Variants in SLAMF9 observed in about 807,000 individuals in gnomAD.
SLAMF9 encodes the protein SLAM family member 9.
Under a neutral mutation model 30.4 loss-of-function variants are expected in SLAMF9, and 25 were observed. The ratio of observed to expected loss-of-function variants is 0.82; its 90% CI spans 0.60 to 1.15. SLAMF9 has a LOEUF of 1.15. Ranked by LOEUF, SLAMF9 falls within the 50% of genes most tolerant of loss-of-function variation. The pLI, the probability that SLAMF9 is intolerant of heterozygous loss-of-function variation, is 0.00. For synonymous variants in SLAMF9, 129 were observed against 127.2 expected (o/e 1.01, Z -0.09); for missense variants, 344 against 346.1 (o/e 0.99, Z 0.05).
At chr1:159,953,209 C>T in intron 2 of SLAMF9, 100 bp downstream of exon 2, 1 of 978,882 alleles carries the variant, frequency 1.0e-6, no homozygotes. Context: ...AGTTCTAGCC[C>T]CTCAAACCAT....
chr1:159,965,471 G>A, the SLAMF9 span: 2 of 152,180 alleles, frequency 1.3e-5, no homozygotes, highest in Non-Finnish European at 2.9e-5. Context: ...TCAACACTCT[G>A]ATGACAATCT....
the SLAMF9 span, among the ~76,000 whole-genome samples, chr1:159,961,979 A>T: frequency 1.3e-5 from 2 of 151,828 alleles, no homozygotes; most frequent in Non-Finnish European, 2.9e-5. Context: ...CAACATGGTG[A>T]AACCCCCGTC....
Position 159,951,677 on chromosome 1 carries a change from C to A in SLAMF9, c.854G>T (p.Gly285Val), listed in dbSNP as rs142608001. The change falls in exon 4 of 4, where the codon GGC becomes GTC. Residue 285 changes from glycine to valine, a missense_variant. Physicochemically the swap from Gly to Val is moderately radical, Grantham distance 109. Coordinates refer to ENST00000368093, the MANE Select transcript of SLAMF9 (RefSeq NM_033438.4). ...AAGGAGCAGTCAGGCAGGGCTGGAGCCAGGCTTTGCCTCCTTCCTCAATTT... is the reference window on the plus strand; with the variant it reads ...AAGGAGCAGTCAGGCAGGGCTGGAGACAGGCTTTGCCTCCTTCCTCAATTT... ...RMKLRKEAKP[G>V]SSPA 5.0e-6 allele frequency: 8 copies of A among 1,614,012 alleles called. No individual in the cohort carries two copies. Among genetic ancestry groups the A allele is most frequent in the African/African-American group, 2.7e-5 (2 of 75,018 alleles).
At chr1:159,955,481 A>G (rs1651903971), upstream of SLAMF9, among the ~76,000 whole-genome samples, 3 of 152,230 alleles carry the variant, frequency 2.0e-5, no homozygotes, top group Non-Finnish European at 4.4e-5. Flanking sequence ...ATAGAGGAAG[A>G]CGTATTCAGC....
the SLAMF9 span, among the ~76,000 whole-genome samples, chr1:159,960,292 T>C: frequency 3.3e-5 from 5 of 151,322 alleles, no homozygotes; most frequent in Non-Finnish European, 5.9e-5. Flanking sequence ...TGCGATAGTT[T>C]GCTGAGAATG....
chr1:159,952,497 C>T lies in SLAMF9; in HGVS notation c.429G>A (p.Glu143=), dbSNP rs1651790493. The T allele has an allele frequency of 6.2e-7, 1 of 1,614,090 alleles. No homozygotes were observed. Among genetic ancestry groups the T allele is most frequent in the East Asian group, 2.2e-5 (1 of 44,866 alleles). ...TACTGCAGGCACCTTCCCCAGAACTCTCAAAGTTCACAGTGATCTGGGGCT... is the reference window on the plus strand; with the variant it reads ...TACTGCAGGCACCTTCCCCAGAACTTTCAAAGTTCACAGTGATCTGGGGCT... ...LSEPQITVNF[E]SSGEGACSMS... is the part of the protein sequence containing the mutation. The change falls in exon 3 of 4, where the codon GAG becomes GAA. Residue 143 remains glutamate, a synonymous_variant. Coordinates refer to ENST00000368093, the MANE Select transcript of SLAMF9 (RefSeq NM_033438.4).
chr1:159,982,414 G>A, the SLAMF9 span, among the ~76,000 whole-genome samples: 1,685 of 152,010 alleles, frequency 0.011, 13 homozygotes, highest in South Asian at 0.03. Context: ...CCTTCCTGCC[G>A]CACACTCACT....
chr1:159,959,727 C>T, the SLAMF9 span, among the ~76,000 whole-genome samples: 1 of 152,110 alleles, frequency 6.6e-6, no homozygotes, highest in Non-Finnish European at 1.5e-5. Context: ...TGTGGACTCA[C>T]AGTAAAGTTC....
chr1:159,970,897 T>TA, the SLAMF9 span, among the ~76,000 whole-genome samples: 1 of 152,184 alleles, frequency 6.6e-6, no homozygotes, highest in Non-Finnish European at 1.5e-5. Flanking sequence ...GGACACATAT[T>TA]AAAATCAGCC....
the SLAMF9 span, among the ~76,000 whole-genome samples, chr1:159,965,007 T>C: frequency 6.6e-6 from 1 of 152,218 alleles, no homozygotes; most frequent in Non-Finnish European, 1.5e-5. Flanking sequence ...AACTCATCAA[T>C]GTCCCAGAGT....
chr1:159,963,280 C>T, the SLAMF9 span, among the ~76,000 whole-genome samples: 1 of 152,100 alleles, frequency 6.6e-6, no homozygotes, highest in East Asian at 1.9e-4. Context: ...CCTGGGGCCC[C>T]TTGGTAATTG....
the SLAMF9 span, among the ~76,000 whole-genome samples, chr1:159,966,942 T>C: frequency 2.0e-5 from 3 of 152,200 alleles, no homozygotes; most frequent in South Asian, 2.1e-4. Flanking sequence ...TGTTTTTTTG[T>C]TTGTTTTTGT....
At chr1:159,956,293 C>T (rs59975218), upstream of SLAMF9, among the ~76,000 whole-genome samples, 38,444 of 151,966 alleles carry the variant, frequency 0.25, 5,842 homozygotes, top group African/African-American at 0.43. Context: ...TAGAAAGACC[C>T]CATGTCTACA....
chr1:159,964,443 C>G, the SLAMF9 span, among the ~76,000 whole-genome samples: 126 of 152,284 alleles, frequency 8.3e-4, 1 homozygote, highest in African/African-American at 2.9e-3. Context: ...GAAGCAGGTG[C>G]AAAGCCAGGG....
chr1:159,972,744 G>T, the SLAMF9 span: 1 of 370,442 alleles, frequency 2.7e-6, no homozygotes, highest in Non-Finnish European at 4.6e-6. Flanking sequence ...GATTGGAGGG[G>T]AGCCCCTCTG....
chr1:159,951,702 T>A lies in SLAMF9; in HGVS notation c.829A>T (p.Lys277Ter). ...RMKKLMRNRM[K>*]LRKEAKPGSS... ...CCAGGCTTTGCCTCCTTCCTCAATTTCATTCTGTTTCTCATGAGTTTCTTC... is the reference window on the plus strand; with the variant it reads ...CCAGGCTTTGCCTCCTTCCTCAATTACATTCTGTTTCTCATGAGTTTCTTC... The change falls in exon 4 of 4, where the codon AAA becomes TAA. Residue 277 changes from lysine to a stop codon, truncating the protein, a stop_gained. Transcript: ENST00000368093. LOFTEE classifies it high-confidence loss of function. 1.2e-6 allele frequency: 2 copies of A among 1,614,206 alleles called. No individual in the cohort carries two copies. Among genetic ancestry groups the A allele is most frequent in the Non-Finnish European group, 1.7e-6 (2 of 1,180,036 alleles).
At chr1:159,963,553 G>T in the SLAMF9 span, among the ~76,000 whole-genome samples, 3 of 152,074 alleles carry the variant, frequency 2.0e-5, no homozygotes, top group Non-Finnish European at 2.9e-5. Flanking sequence ...CCCATTCCTT[G>T]TCTCTCAGGC....
the SLAMF9 span, among the ~76,000 whole-genome samples, chr1:159,964,299 C>G: frequency 6.6e-6 from 1 of 152,128 alleles, no homozygotes; most frequent in Non-Finnish European, 1.5e-5. Context: ...GGTTTCTTTC[C>G]CCCTAAGTAA....
At chr1:159,977,953 A>G in the SLAMF9 span, among the ~76,000 whole-genome samples, 1 of 151,984 alleles carries the variant, frequency 6.6e-6, no homozygotes, top group Non-Finnish European at 1.5e-5. Context: ...GATAATAAGG[A>G]CCTCCTGACA....
Sources: gnomAD v4.1 joint callset for allele counts (sites outside exome capture counted in the v4.1 genomes callset) on GRCh38, gnomAD v4.1.1 for gene constraint, MANE v1.5 for transcripts, NCBI Gene and HGNC (gene_info 2026-07-23, HGNC 2026-07-21) for gene names.